The following SLC27A2 variants were observed in gnomAD, a reference collection of about 807,000 sequenced individuals.
SLC27A2 encodes long-chain fatty acid transport protein 2.
Under a neutral mutation model 60.0 loss-of-function variants are expected in SLC27A2, and 54 were observed. The ratio of observed to expected loss-of-function variants is 0.90; its 90% CI spans 0.72 to 1.13. SLC27A2 has a LOEUF of 1.13. Ranked by LOEUF, SLC27A2 falls within the 50% of genes most tolerant of loss-of-function variation. The probability of loss-of-function intolerance (pLI) is 0.00; values close to 1 mark genes in which losing one functional copy is unlikely to be tolerated. For missense variants in SLC27A2, 739 were observed against 777.6 expected, an observed-to-expected ratio of 0.95 and a Z score of 0.59; for synonymous variants, 297 against 297.6, an observed-to-expected ratio of 1.00 and a Z score of 0.02.
At chr15:50,229,138 A>G in intron 8 of SLC27A2, 96 bp downstream of exon 8, 1 of 752,562 alleles carries the variant, frequency 1.3e-6, no homozygotes, top group Non-Finnish European at 2.3e-6. Flanking sequence ...CCCGCCATCC[A>G]GAGTTAAACA....
intron 4 of SLC27A2, among the ~76,000 whole-genome samples, chr15:50,208,864 C>T (rs778322210): frequency 2.0e-5 from 3 of 152,154 alleles, no homozygotes; most frequent in Non-Finnish European, 4.4e-5. Context: ...TCATTTCTTG[C>T]AGTGTATGGT....
At chr15:50,191,047 C>G (rs2044969122) in intron 1 of SLC27A2, 1 of 152,174 alleles carries the variant, frequency 6.6e-6, no homozygotes. Flanking sequence ...AGGTGGGAAC[C>G]TCAGAAGCCC....
intron 1 of SLC27A2, among the ~76,000 whole-genome samples, chr15:50,193,092 C>T (rs1200551828): frequency 6.6e-6 from 1 of 152,188 alleles, no homozygotes. Context: ...TACTCAGGCC[C>T]CAGGCTGCGT....
At chr15:50,227,515 A>G (rs2045286958) in intron 7 of SLC27A2, among the ~76,000 whole-genome samples, 1 of 152,114 alleles carries the variant, frequency 6.6e-6, no homozygotes, top group Non-Finnish European at 1.5e-5. Flanking sequence ...CCAATCATGG[A>G]GGTGTTTAGA....
intron 2 of SLC27A2, among the ~76,000 whole-genome samples, chr15:50,201,729 G>C (rs946660628): frequency 1.3e-5 from 2 of 151,908 alleles, no homozygotes; most frequent in Non-Finnish European, 1.5e-5. Context: ...CTAATTTTTT[G>C]TATTTTTAGT....
intron 9 of SLC27A2, among the ~76,000 whole-genome samples, chr15:50,234,639 G>C (rs2045338770): frequency 6.6e-6 from 1 of 150,764 alleles, no homozygotes; most frequent in African/African-American, 2.4e-5. Flanking sequence ...TGCACTTGTA[G>C]TCTCATCTAC....
At chr15:50,215,332 A>G (rs903830305) in intron 4 of SLC27A2, among the ~76,000 whole-genome samples, 1 of 152,228 alleles carries the variant, frequency 6.6e-6, no homozygotes, top group Non-Finnish European at 1.5e-5. Context: ...AACAAATGGA[A>G]ACATATCCCA....
intron 2 of SLC27A2, among the ~76,000 whole-genome samples, chr15:50,200,936 G>C (rs542053949): frequency 6.6e-6 from 1 of 152,324 alleles, no homozygotes; most frequent in African/African-American, 2.4e-5. Flanking sequence ...ATAGGAGAAT[G>C]AATGGGGACA....
At chr15:50,217,770 A>G (rs543432194) in intron 4 of SLC27A2, among the ~76,000 whole-genome samples, 40 of 151,818 alleles carry the variant, frequency 2.6e-4, no homozygotes, top group Non-Finnish European at 2.6e-4. Context: ...CAAAAAACAG[A>G]AGAGGCCAGG....
intron 1 of SLC27A2, among the ~76,000 whole-genome samples, chr15:50,186,920 C>T (rs529486588): frequency 3.3e-5 from 5 of 152,282 alleles, no homozygotes; most frequent in African/African-American, 1.2e-4. Context: ...AGTTTGATTC[C>T]ATATTTTGAG....
At chr15:50,194,414 A>G (rs112657780) in intron 1 of SLC27A2, among the ~76,000 whole-genome samples, 1,827 of 152,254 alleles carry the variant, frequency 0.012, 18 homozygotes, top group Non-Finnish European at 0.018. Flanking sequence ...CCATAGATCA[A>G]TGTGGTTAGA....
At chr15:50,199,417 G>A (rs931974723) in intron 2 of SLC27A2, among the ~76,000 whole-genome samples, 3 of 149,714 alleles carry the variant, frequency 2.0e-5, no homozygotes, top group Non-Finnish European at 4.4e-5. Flanking sequence ...GGCGGAGCTT[G>A]CAGTGAGCCG....
chr15:50,185,707 G>A (rs1377382081), intron 1 of SLC27A2, among the ~76,000 whole-genome samples: 2 of 138,410 alleles, frequency 1.4e-5, no homozygotes, highest in East Asian at 4.2e-4. Flanking sequence ...TCGGCTCACT[G>A]CAAGCTCCAC....
intron 4 of SLC27A2, among the ~76,000 whole-genome samples, chr15:50,216,789 T>A (rs2045200739): frequency 6.9e-6 from 1 of 145,220 alleles, no homozygotes; most frequent in Non-Finnish European, 1.5e-5. Context: ...ATATATTCCA[T>A]AAATATATAT....
chr15:50,190,513 C>T (rs1236830371), intron 1 of SLC27A2, among the ~76,000 whole-genome samples: 1 of 151,952 alleles, frequency 6.6e-6, no homozygotes, highest in African/African-American at 2.4e-5. Flanking sequence ...TTAGCCTGAG[C>T]ACCTGACACC....
chr15:50,213,374 A>G (rs548593164), intron 4 of SLC27A2, among the ~76,000 whole-genome samples: 10 of 152,358 alleles, frequency 6.6e-5, no homozygotes, highest in Admixed American at 5.2e-4. Flanking sequence ...TCAATACTCC[A>G]CTGACAGCAC....
At chr15:50,216,773 AAAT>A (rs2045200549) in intron 4 of SLC27A2, among the ~76,000 whole-genome samples, 1 of 145,686 alleles carries the variant, frequency 6.9e-6, no homozygotes, top group Non-Finnish European at 1.5e-5. Flanking sequence ...TATTCCATAA[AAAT>A]ATATATATTC....
intron 1 of SLC27A2, among the ~76,000 whole-genome samples, chr15:50,183,943 A>C (rs1164415340): frequency 1.4e-5 from 2 of 148,122 alleles, no homozygotes; most frequent in African/African-American, 2.4e-5. Flanking sequence ...ACTGAGGCTT[A>C]AAATTCCAAC....
chr15:50,200,882 C>G (rs1434777095), intron 2 of SLC27A2, among the ~76,000 whole-genome samples: 1 of 152,226 alleles, frequency 6.6e-6, no homozygotes, highest in Non-Finnish European at 1.5e-5. Flanking sequence ...TAAGAGCACA[C>G]ATTGACAAGG....
Sources: gnomAD v4.1 joint callset for allele counts (sites outside exome capture counted in the v4.1 genomes callset) on GRCh38, gnomAD v4.1.1 for gene constraint, MANE v1.5 for transcripts, NCBI Gene and HGNC (gene_info 2026-07-23, HGNC 2026-07-21) for gene names.